The following FURIN variants were observed in gnomAD, a reference collection of about 807,000 sequenced individuals.
FURIN encodes the protein FES upstream region.
Under a neutral mutation model 89.2 loss-of-function variants are expected in FURIN, and 18 were observed. That is an observed-to-expected ratio of 0.20 (90% confidence interval 0.14 to 0.30). The LOEUF (loss-of-function observed/expected upper bound fraction) is 0.30. Ranked by LOEUF, FURIN falls within the 10% of genes least tolerant of loss-of-function variation. The pLI is 1.00. For synonymous variants in FURIN, 508 were observed against 466.4 expected (o/e 1.09, Z -1.15); for missense variants, 879 against 1,100.5 (o/e 0.80, Z 2.85).
chr15:90,882,393 G>A lies in FURIN; in HGVS notation c.*515G>A, dbSNP rs952291325. The A allele has an allele frequency of 3.0e-5, 5 of 164,264 alleles. No homozygotes were observed. Among genetic ancestry groups the A allele is most frequent in the Non-Finnish European group, 5.4e-5 (4 of 74,644 alleles). 10.2% of individuals were successfully genotyped at this position (164,264 alleles called of 1,614,324 possible). On this transcript the variant is annotated 3_prime_UTR_variant, in exon 16 of 16. Transcript: ENST00000268171. ...AGCAGCCATCATAGGAAGGGACCAAGGCAAGGCAGGTGCCTCCAGGTGTGC... is the reference window on the plus strand; with the variant it reads ...AGCAGCCATCATAGGAAGGGACCAAAGCAAGGCAGGTGCCTCCAGGTGTGC...
rs751909359 is a variant in FURIN, at chr15:90,876,334, G to A, written c.257G>A (p.Arg86Gln). 9.4e-5 allele frequency: 151 copies of A among 1,610,486 alleles called. 3 individuals are homozygous for A. The South Asian group carries it at 1.0e-3, about 11-fold the overall frequency. ...TCGCCTCACCGCCCGCGGCACAGCC[G>A]GCTGCAGAGGGAGCCTCAAGTGAGT... ...SLSPHRPRHS[R>Q]LQREPQVQWL... The change falls in exon 3 of 16, where the codon CGG becomes CAG. Residue 86 changes from arginine (R) to glutamine (Q), a missense_variant. Physicochemically the swap from Arg to Gln is conservative, Grantham distance 43. This residue lies in a region of FURIN where 125 missense variants were observed against 125.0 expected (regional missense o/e 1.00). Transcript: ENST00000268171. This position sits in a 1 kb window ranked among gnomAD's most constrained non-coding sequence, Gnocchi z 5.0.
chr15:90,876,107 C>A lies in FURIN; in HGVS notation c.178-148C>A. 2.6e-6 allele frequency: 2 copies of A among 768,124 alleles called. No homozygotes were observed. Among genetic ancestry groups the A allele is most frequent in the East Asian group, 2.5e-5 (1 of 40,516 alleles). The allele number at this position is 768,124 out of a possible 1,614,324, so 47.6% of individuals were successfully genotyped here. On this transcript the variant is annotated intron_variant, in intron 2 of 15. Coordinates refer to ENST00000268171, the MANE Select transcript of FURIN (RefSeq NM_002569.4). This position sits in a 1 kb window ranked among gnomAD's most constrained non-coding sequence, Gnocchi z 5.0. ...AGTGAGAGTGAGTCCTCATGGTCCC[C>A]GCATTTTGCTGGGTCCCGGACAGGG...
intron 1 of FURIN, among the ~76,000 whole-genome samples, chr15:90,873,378 C>G (rs112808276): frequency 0.015 from 2,265 of 152,274 alleles, 67 homozygotes; most frequent in African/African-American, 0.049. Context: ...TCACTTTTAA[C>G]GCCAAACAGC....
intron 8 of FURIN, 43 bp downstream of exon 8, chr15:90,878,347 C>T (rs372242039): frequency 7.9e-5 from 117 of 1,477,306 alleles, no homozygotes; most frequent in Non-Finnish European, 1.0e-4. Flanking sequence ...AGGTTGGGTG[C>T]TGTCTTCCGT....
At chr15:90,880,034 C>T (rs2031863080) in intron 12 of FURIN, 50 bp downstream of exon 12, 1 of 1,604,744 alleles carries the variant, frequency 6.2e-7, no homozygotes, top group Non-Finnish European at 8.5e-7. Flanking sequence ...CTGAGAGTCG[C>T]AGGGGGTGCC....
chr15:90,878,897 A>C lies in FURIN; in HGVS notation c.974A>C (p.Asn325Thr), dbSNP rs745570892. ...LSISSATQFG[N>T]VPWYSEACSS... is the part of the protein sequence containing the mutation. Reference sequence around the variant, plus strand: ...ATCAGCAGCGCCACGCAGTTTGGCAACGTGCCGTGGTACAGCGAGGCCTGC... The same window carrying C: ...ATCAGCAGCGCCACGCAGTTTGGCACCGTGCCGTGGTACAGCGAGGCCTGC... Residue 325 changes from asparagine to threonine, a missense_variant, in exon 9 of 16, where the codon AAC (asparagine) becomes ACC (threonine). This residue lies in a region of FURIN where 156 missense variants were observed against 243.7 expected (regional missense o/e 0.64). Coordinates refer to ENST00000268171, the MANE Select transcript of FURIN (RefSeq NM_002569.4). 1 of 1,613,120 alleles carries C rather than the reference A, an allele frequency of 6.2e-7. No individual in the cohort carries two copies.
At position 90,881,110 on chromosome 15, in the gene FURIN, C is replaced by A; in HGVS notation, c.1792+70C>A. The A allele has an allele frequency of 3.2e-6, 4 of 1,261,446 alleles. No individual in the cohort carries two copies. Among genetic ancestry groups the A allele is most frequent in the Non-Finnish European group, 4.6e-6 (4 of 863,454 alleles). The allele number at this position is 1,261,446 out of a possible 1,614,324, so 78.1% of individuals were successfully genotyped here. A position where few individuals can be genotyped will look rare whatever the true frequency, so the allele number is the denominator to read the frequency against. On this transcript the variant is annotated intron_variant, in intron 15 of 15. Coordinates refer to ENST00000268171, the MANE Select transcript of FURIN (RefSeq NM_002569.4). This position sits in a 1 kb window ranked among gnomAD's most constrained non-coding sequence, Gnocchi z 4.3. ...GTAAGGCGGGTGCCTGTCCTGAAGC[C>A]CAGCTCTAACAGAAAAAAGTCTCAA...
At chr15:90,878,626 G>T in intron 8 of FURIN, 138 bp from the exon 9 acceptor site, 1 of 614,466 alleles carries the variant, frequency 1.6e-6, no homozygotes, top group South Asian at 2.0e-5. Flanking sequence ...ATACATACTT[G>T]ATCCACCAGG....
At chr15:90,873,827 G>C (rs1291871338) in intron 1 of FURIN, among the ~76,000 whole-genome samples, 1 of 152,222 alleles carries the variant, frequency 6.6e-6, no homozygotes, top group Non-Finnish European at 1.5e-5. Context: ...GCCATCAGCT[G>C]TCAGGTTATT....
chr15:90,874,665 T>C (rs2031508427), intron 1 of FURIN, among the ~76,000 whole-genome samples: 1 of 152,216 alleles, frequency 6.6e-6, no homozygotes, highest in South Asian at 2.1e-4. Flanking sequence ...CCCTAGTGAG[T>C]TGTATAGATG....
intron 13 of FURIN, among the ~76,000 whole-genome samples, 179 bp from the exon 14 acceptor site, chr15:90,880,512 T>C (rs546150423): frequency 6.6e-6 from 1 of 152,248 alleles, no homozygotes; most frequent in South Asian, 2.1e-4. Context: ...TGTACCTTTC[T>C]AGAATCCCCC....
intron 13 of FURIN, 90 bp downstream of exon 13, chr15:90,880,363 G>GCTCA: frequency 9.3e-7 from 1 of 1,072,994 alleles, no homozygotes; most frequent in South Asian, 1.5e-5. Context: ...GGCCCAGGGG[G>GCTCA]CACTGAGTGC....
intron 1 of FURIN, chr15:90,871,635 C>T (rs2031305232): frequency 3.7e-5 from 1 of 27,042 alleles, no homozygotes; most frequent in South Asian, 1.1e-3. Context: ...GGCCCGGGGC[C>T]CGGGGAAGGC....
At chr15:90,871,771 G>T (rs1186597005) in intron 1 of FURIN, among the ~76,000 whole-genome samples, 2 of 149,286 alleles carry the variant, frequency 1.3e-5, no homozygotes, top group Non-Finnish European at 3.0e-5. Context: ...CGCCGGTGCA[G>T]CCCTGACCCG....
chr15:90,869,278 T>C (rs1276916555), intron 1 of FURIN, among the ~76,000 whole-genome samples: 2 of 152,110 alleles, frequency 1.3e-5, no homozygotes, highest in Non-Finnish European at 2.9e-5. Flanking sequence ...CCAGAGGACC[T>C]TGGGCCCCTA....
chr15:90,871,785 C>T (rs1295270155), intron 1 of FURIN, among the ~76,000 whole-genome samples: 1 of 149,400 alleles, frequency 6.7e-6, no homozygotes, highest in Non-Finnish European at 1.5e-5. Context: ...TGACCCGGGT[C>T]CCCCGGGGCC....
Position 90,878,983 on chromosome 15 carries a change from C to G in FURIN, c.1053+7C>G, listed in dbSNP as rs750221222. On this transcript the variant is annotated splice_region_variant and intron_variant, in intron 9 of 15. Coordinates refer to ENST00000268171, the MANE Select transcript of FURIN (RefSeq NM_002569.4). ...CCAGAATGAGAAGCAGATCGTGAGT[C>G]TTACCTGGGGGTGGGGGCTGGGGAG... 9.3e-6 allele frequency: 14 copies of G among 1,504,392 alleles called. No individual in the cohort carries two copies. In the South Asian group the frequency reaches 1.6e-4, roughly 18 times the overall value. The allele number at this position is 1,504,392 out of a possible 1,614,324, so 93.2% of individuals were successfully genotyped here.
chr15:90,873,783 G>A (rs1014880691), intron 1 of FURIN, among the ~76,000 whole-genome samples: 2 of 152,208 alleles, frequency 1.3e-5, no homozygotes, highest in African/African-American at 4.8e-5. Flanking sequence ...TCTGCCCGCA[G>A]GGATGTGCAG....
chr15:90,880,395 C>A, intron 13 of FURIN, 122 bp downstream of exon 13: 1 of 825,678 alleles, frequency 1.2e-6, no homozygotes, highest in Non-Finnish European at 1.9e-6. Flanking sequence ...GCACTCTTGG[C>A]ATTTTGGGAG....
Sources: gnomAD v4.1 joint callset for allele counts (sites outside exome capture counted in the v4.1 genomes callset) on GRCh38, gnomAD v4.1.1 for gene constraint, gnomAD v4.1.1 regional missense constraint, Gnocchi (gnomAD v3.1) non-coding constraint, MANE v1.5 for transcripts, NCBI Gene and HGNC (gene_info 2026-07-23, HGNC 2026-07-21) for gene names.